EHHADH: variants seen among roughly 807,000 people sequenced by gnomAD.
EHHADH encodes peroxisomal bifunctional enzyme.
Under a neutral mutation model 64.4 loss-of-function variants are expected in EHHADH, and 48 were observed. That is an observed-to-expected ratio of 0.75 (90% confidence interval 0.59 to 0.95). The LOEUF (loss-of-function observed/expected upper bound fraction) is 0.95, where lower values mean the gene tolerates loss of function less well. Among genes scored for constraint, EHHADH ranks in the 40% least tolerant of loss-of-function variants. EHHADH has a pLI of 0.00. For synonymous variants in EHHADH, 308 were observed against 326.7 expected (o/e 0.94, Z 0.62); for missense variants, 854 against 876.6 (o/e 0.97, Z 0.33).
intron 6 of EHHADH, among the ~76,000 whole-genome samples, chr3:185,197,010 A>G (rs960370659): frequency 2.0e-5 from 3 of 152,114 alleles, no homozygotes; most frequent in African/African-American, 7.2e-5. Flanking sequence ...TTGAAGAAAA[A>G]AAAAAAAAAG....
chr3:185,194,800 CAAAAAAAAAAAAAAAA>C lies in EHHADH; in HGVS notation c.911-1329_911-1314del, dbSNP rs34093153. ...TATGTGACAGAGTGAGACCCTGTCT[CAAAAAAAAAAAAAAAA>C]AAAAAAAAAAAAGAAGCCTATAGTA... On this transcript the variant is annotated intron_variant, in intron 6 of 6. Transcript: ENST00000231887. Among the ~76,000 whole-genome samples, 9 of 29,302 alleles carry C rather than the reference CAAAAAAAAAAAAAAAA, an allele frequency of 3.1e-4. 1 individual carries two copies. The highest frequency in any genetic ancestry group is 2.5e-4 in the Non-Finnish European group (4 of 15,840). 19.2% of individuals were successfully genotyped at this position (29,302 alleles called of 152,430 possible). A position where few individuals can be genotyped will look rare whatever the true frequency, so the allele number is the denominator to read the frequency against.
At chr3:185,221,328 C>T (rs2108639110) in intron 4 of EHHADH, among the ~76,000 whole-genome samples, 1 of 152,172 alleles carries the variant, frequency 6.6e-6, no homozygotes, top group South Asian at 2.1e-4. Flanking sequence ...GCTTTGAATC[C>T]TGTAGTATGT....
chr3:185,213,017 G>A (rs553758834), intron 5 of EHHADH, among the ~76,000 whole-genome samples: 1 of 149,338 alleles, frequency 6.7e-6, no homozygotes. Flanking sequence ...TTACTTGGGA[G>A]GCTGAGGCAG....
chr3:185,219,836 C>T (rs1207271366), intron 4 of EHHADH, among the ~76,000 whole-genome samples: 2 of 152,144 alleles, frequency 1.3e-5, no homozygotes, highest in Non-Finnish European at 2.9e-5. Flanking sequence ...CAGAGAACTA[C>T]AAATGAGTTT....
chr3:185,235,068 T>A (rs1289617518), intron 3 of EHHADH, among the ~76,000 whole-genome samples: 1 of 152,070 alleles, frequency 6.6e-6, no homozygotes, highest in East Asian at 1.9e-4. Flanking sequence ...TAGTCCCAGC[T>A]TCTTGGGAGG....
chr3:185,205,250 C>A (rs1388348670), intron 5 of EHHADH, among the ~76,000 whole-genome samples: 2 of 151,970 alleles, frequency 1.3e-5, no homozygotes, highest in Non-Finnish European at 2.9e-5. Flanking sequence ...GATGCTGAGG[C>A]TTGGGATATG....
chr3:185,214,182 G>A (rs1718624223), intron 5 of EHHADH, among the ~76,000 whole-genome samples: 1 of 152,006 alleles, frequency 6.6e-6, no homozygotes, highest in Non-Finnish European at 1.5e-5. Flanking sequence ...AAAGTCCTAG[G>A]GTTTCCATGG....
At chr3:185,246,193 GT>G (rs559854311) in intron 2 of EHHADH, 309 of 967,928 alleles carry the variant, frequency 3.2e-4, no homozygotes, top group African/African-American at 4.9e-4. Flanking sequence ...TATCTTTTTT[GT>G]TTTTTTTTCT....
chr3:185,198,332 C>T lies in EHHADH; in HGVS notation c.911-4845G>A, dbSNP rs543045301. Among the ~76,000 whole-genome samples the T allele has an allele frequency of 3.9e-5, 6 of 152,138 alleles. No individual in the cohort carries two copies. The South Asian group carries it at 1.2e-3, about 32-fold the overall frequency. ...CTCCCGAGTTCAAGCGATTCTCGTG[C>T]CTCAGCCTCCGGAGTAGCTGGGATT... On this transcript the variant is annotated intron_variant, in intron 6 of 6. Coordinates refer to ENST00000231887, the MANE Select transcript of EHHADH (RefSeq NM_001966.4).
intron 2 of EHHADH, among the ~76,000 whole-genome samples, chr3:185,241,173 T>C (rs1011876156): frequency 6.6e-6 from 1 of 152,222 alleles, no homozygotes; most frequent in Admixed American, 6.5e-5. Flanking sequence ...TTCCATCGTA[T>C]AAAAATACCA....
At chr3:185,219,942 G>A (rs1459831103) in intron 4 of EHHADH, among the ~76,000 whole-genome samples, 1 of 152,110 alleles carries the variant, frequency 6.6e-6, no homozygotes, top group Non-Finnish European at 1.5e-5. Flanking sequence ...TCTGAAAACA[G>A]GCTTTCAGAT....
At chr3:185,207,557 G>T (rs539657972) in intron 5 of EHHADH, among the ~76,000 whole-genome samples, 1 of 152,256 alleles carries the variant, frequency 6.6e-6, no homozygotes, top group African/African-American at 2.4e-5. Context: ...GGTTTACAAG[G>T]TCGCAAGTTT....
chr3:185,214,994 C>T (rs950060192), intron 5 of EHHADH, among the ~76,000 whole-genome samples: 7 of 152,092 alleles, frequency 4.6e-5, no homozygotes, highest in African/African-American at 1.4e-4. Flanking sequence ...GTCCAGCTGC[C>T]TTCTAGACAG....
intron 6 of EHHADH, among the ~76,000 whole-genome samples, chr3:185,202,305 C>T (rs1718251757): frequency 6.8e-6 from 1 of 147,242 alleles, no homozygotes; most frequent in Non-Finnish European, 1.5e-5. Flanking sequence ...CGCCACTGCA[C>T]TCCAGCCTGG....
At chr3:185,241,766 C>A (rs551367508) in intron 2 of EHHADH, among the ~76,000 whole-genome samples, 14 of 152,218 alleles carry the variant, frequency 9.2e-5, no homozygotes, top group Non-Finnish European at 1.3e-4. Context: ...ACTCTGCTGA[C>A]TGTTCCTTTT....
chr3:185,251,753 A>G (rs1487986922), intron 1 of EHHADH, among the ~76,000 whole-genome samples: 1 of 152,110 alleles, frequency 6.6e-6, no homozygotes, highest in Non-Finnish European at 1.5e-5. Flanking sequence ...TGTAAGAAAA[A>G]AATTGAGGAA....
Position 185,204,150 on chromosome 3 carries a change from A to T in EHHADH, c.910+266T>A, listed in dbSNP as rs1008569627. Among the ~76,000 whole-genome samples, 592 of 150,154 alleles carry T rather than the reference A, an allele frequency of 3.9e-3. 10 individuals are homozygous for T. The East Asian group carries it at 0.045, about 11-fold the overall frequency. On this transcript the variant is annotated intron_variant, in intron 6 of 6. Transcript: ENST00000231887. The stretch of plus-strand genomic sequence containing the variant: ...TCTGTCTCAAAAAAAAAAAAAAAAA[A>T]AAAAAAAAGAATAAAACATTCCCAG...
At chr3:185,223,859 A>G (rs1484919137) in intron 4 of EHHADH, among the ~76,000 whole-genome samples, 1 of 152,246 alleles carries the variant, frequency 6.6e-6, no homozygotes, top group Non-Finnish European at 1.5e-5. Flanking sequence ...GAGGAGCAGG[A>G]CACTGTAGTC....
chr3:185,195,124 T>C (rs916431670), intron 6 of EHHADH, among the ~76,000 whole-genome samples: 21 of 152,290 alleles, frequency 1.4e-4, no homozygotes, highest in Middle Eastern at 3.4e-3. Flanking sequence ...AACTATAAAA[T>C]TCTTAGAAGC....
Sources: allele counts gnomAD v4.1 joint callset (sites outside exome capture counted in the v4.1 genomes callset), GRCh38; gene constraint gnomAD v4.1.1; transcripts MANE v1.5; gene names NCBI Gene and HGNC (gene_info 2026-07-23, HGNC 2026-07-21).